Variants in RSRC1 observed in about 807,000 individuals in gnomAD.
RSRC1 encodes serine/Arginine-related protein 53.
Under a neutral mutation model 49.1 loss-of-function variants are expected in RSRC1, and 39 were observed. That is an observed-to-expected ratio of 0.79 (90% CI 0.61 to 1.04). The LOEUF (loss-of-function observed/expected upper bound fraction) is 1.04. RSRC1 is among the 50% of genes least tolerant of loss of function. The probability of loss-of-function intolerance (pLI) is 0.00; values close to 1 mark genes in which losing one functional copy is unlikely to be tolerated. For missense variants in RSRC1, 388 were observed against 402.4 expected (o/e 0.96, Z 0.31); for synonymous variants, 143 against 130.8 (o/e 1.09, Z -0.63).
chr3:158,430,549 T>C (rs1374094621), intron 6 of RSRC1, among the ~76,000 whole-genome samples: 1 of 151,896 alleles, frequency 6.6e-6, no homozygotes, highest in Non-Finnish European at 1.5e-5. Flanking sequence ...ATTGGAACCA[T>C]CTAAGAGAAA....
intron 7 of RSRC1, among the ~76,000 whole-genome samples, chr3:158,514,673 G>C (rs1018503427): frequency 2.0e-5 from 3 of 151,958 alleles, no homozygotes; most frequent in Non-Finnish European, 2.9e-5. Flanking sequence ...CGGTATCCTT[G>C]TTGACTCTCT....
intron 4 of RSRC1, among the ~76,000 whole-genome samples, chr3:158,222,150 A>G (rs575059366): frequency 6.6e-6 from 1 of 151,688 alleles, no homozygotes; most frequent in Non-Finnish European, 1.5e-5. Flanking sequence ...AGCACTATGG[A>G]CATTGTGCAA....
chr3:158,284,817 C>T (rs1468484597), intron 4 of RSRC1, among the ~76,000 whole-genome samples: 10 of 150,258 alleles, frequency 6.7e-5, no homozygotes, highest in East Asian at 5.9e-4. Flanking sequence ...GAGTAGGTTG[C>T]GAAAATTTTC....
At chr3:158,400,492 A>G (rs961271980) in intron 6 of RSRC1, among the ~76,000 whole-genome samples, 4 of 152,092 alleles carry the variant, frequency 2.6e-5, no homozygotes, top group Admixed American at 6.6e-5. Flanking sequence ...CATTGTTGTC[A>G]TAGGAGATGA....
intron 3 of RSRC1, among the ~76,000 whole-genome samples, chr3:158,167,138 A>G (rs143671347): frequency 8.6e-5 from 13 of 151,916 alleles, no homozygotes; most frequent in African/African-American, 3.1e-4. Context: ...TAGATTTTGG[A>G]TTAGGGTCTG....
chr3:158,499,117 C>T (rs58251618), intron 7 of RSRC1, among the ~76,000 whole-genome samples: 12,612 of 152,132 alleles, frequency 0.083, 560 homozygotes, highest in East Asian at 0.12. Context: ...GTGGCTCACA[C>T]CTGTAATCCC....
chr3:158,118,462 T>TGTGTGTGTGTGTGTGC (rs1491469875), intron 1 of RSRC1, among the ~76,000 whole-genome samples: 1,257 of 124,644 alleles, frequency 0.01, 54 homozygotes, highest in East Asian at 0.033. Flanking sequence ...TGTGTGTGTG[T>TGTGTGTGTGTGTGTGC]GCGCGTGCGC....
At chr3:158,526,877 T>G (rs1184546281) in intron 7 of RSRC1, among the ~76,000 whole-genome samples, 1 of 151,970 alleles carries the variant, frequency 6.6e-6, no homozygotes, top group African/African-American at 2.4e-5. Flanking sequence ...GGACTTAAGC[T>G]GTCTGCTTTT....
chr3:158,139,879 G>A (rs144562967), intron 3 of RSRC1, among the ~76,000 whole-genome samples: 102 of 152,134 alleles, frequency 6.7e-4, no homozygotes, highest in African/African-American at 2.3e-3. Context: ...TAATCTGCCC[G>A]CCTTGGCCTC....
chr3:158,303,399 G>A (rs1271256037), intron 5 of RSRC1: 15 of 152,174 alleles, frequency 9.9e-5, no homozygotes, highest in Admixed American at 9.8e-4. Context: ...TCTCTTTTCT[G>A]AAAAGTCAAA....
intron 4 of RSRC1, chr3:158,275,852 G>T: frequency 1.8e-6 from 1 of 561,858 alleles, no homozygotes; most frequent in South Asian, 1.8e-5. Context: ...CCTTCTCCAA[G>T]CTGCCTGGCT....
At chr3:158,410,556 C>T (rs1308658239) in intron 6 of RSRC1, among the ~76,000 whole-genome samples, 1 of 152,150 alleles carries the variant, frequency 6.6e-6, no homozygotes, top group African/African-American at 2.4e-5. Flanking sequence ...CTTTTATGGT[C>T]AGACCGTATC....
chr3:158,145,255 C>T (rs536327381), intron 3 of RSRC1, among the ~76,000 whole-genome samples: 1 of 152,092 alleles, frequency 6.6e-6, no homozygotes, highest in Non-Finnish European at 1.5e-5. Flanking sequence ...TAGGGTTTTT[C>T]TGGTTTTAGA....
intron 6 of RSRC1, among the ~76,000 whole-genome samples, chr3:158,441,114 T>G (rs957676306): frequency 7.2e-5 from 11 of 152,136 alleles, no homozygotes; most frequent in African/African-American, 2.7e-4. Flanking sequence ...AAGAATAATG[T>G]ATCTGTCTGC....
intron 8 of RSRC1, among the ~76,000 whole-genome samples, chr3:158,540,918 A>AGAG (rs2108508578): frequency 2.0e-5 from 3 of 152,328 alleles, no homozygotes; most frequent in African/African-American, 7.2e-5. Context: ...TAGGCAGCTC[A>AGAG]GGAGGGTGAT....
intron 5 of RSRC1, among the ~76,000 whole-genome samples, chr3:158,331,445 A>G (rs1729538572): frequency 6.6e-6 from 1 of 152,140 alleles, no homozygotes; most frequent in African/African-American, 2.4e-5. Flanking sequence ...TAATAAATTT[A>G]TTGTCACTGT....
intron 1 of RSRC1, 122 bp downstream of exon 1, chr3:158,110,345 G>GGCTGCGGCCTCGGGGCGTGC (rs1714286713): frequency 6.6e-6 from 1 of 152,484 alleles, no homozygotes; most frequent in African/African-American, 2.4e-5. Context: ...GTGGAGGGTG[G>GGCTGCGGCCTCGGGGCGTGC]GCTGCGGCCT....
chr3:158,246,790 CT>C (rs1405459787), intron 4 of RSRC1, among the ~76,000 whole-genome samples: 1 of 152,090 alleles, frequency 6.6e-6, no homozygotes, highest in Non-Finnish European at 1.5e-5. Flanking sequence ...ATGAACTGGC[CT>C]TTCTCTCTGG....
intron 4 of RSRC1, among the ~76,000 whole-genome samples, chr3:158,218,813 A>G (rs1392038013): frequency 6.6e-6 from 1 of 151,704 alleles, no homozygotes; most frequent in Non-Finnish European, 1.5e-5. Flanking sequence ...CATGGGCCAC[A>G]ACAAAGATAA....
Sources: allele counts gnomAD v4.1 joint callset (sites outside exome capture counted in the v4.1 genomes callset), GRCh38; gene constraint gnomAD v4.1.1; transcripts MANE v1.5; gene names NCBI Gene and HGNC (gene_info 2026-07-23, HGNC 2026-07-21).